PRH1: variants seen among roughly 807,000 people sequenced by gnomAD.
The protein encoded by PRH1 is salivary acidic proline-rich phosphoprotein 1/2.
PRH1 carries 7 observed loss-of-function variants against 7.9 expected under a neutral mutation model. That is an observed-to-expected ratio of 0.89 (90% CI 0.50 to 1.67). The LOEUF is 1.67. Ranked by LOEUF, PRH1 falls within the 40% of genes most tolerant of loss-of-function variation. The pLI, the probability that PRH1 is intolerant of heterozygous loss-of-function variation, is 0.00. For missense variants in PRH1, 109 were observed against 223.6 expected, an observed-to-expected ratio of 0.49 and a Z score of 3.27; for synonymous variants, 45 against 80.8, an observed-to-expected ratio of 0.56 and a Z score of 2.38.
At chr12:11,013,649 T>A (rs777930706) in intron 1 of PRH1, among the ~76,000 whole-genome samples, 1 of 152,158 alleles carries the variant, frequency 6.6e-6, no homozygotes, top group Non-Finnish European at 1.5e-5. Flanking sequence ...AAAATTACTA[T>A]TTTAAATAAA....
At chr12:10,932,171 T>G in intron 2 of PRH1, 1 of 424,598 alleles carries the variant, frequency 2.4e-6, no homozygotes, top group South Asian at 1.6e-5. Context: ...CAATGAGGTA[T>G]TAGACATTTC....
At chr12:11,123,761 T>A (rs912445675) in intron 1 of PRH1, among the ~76,000 whole-genome samples, 1 of 152,232 alleles carries the variant, frequency 6.6e-6, no homozygotes, top group South Asian at 2.1e-4. Flanking sequence ...TATCTTCCAA[T>A]TCACTAATTA....
chr12:11,104,293 TTATGATGATCACTCA>T (rs1280795517), intron 1 of PRH1, among the ~76,000 whole-genome samples: 6 of 152,200 alleles, frequency 3.9e-5, no homozygotes, highest in Non-Finnish European at 7.4e-5. Flanking sequence ...TCCCAAATTG[TTATGATGATCACTCA>T]TATGATGATC....
chr12:10,997,159 G>A, intron 1 of PRH1: 1 of 1,614,000 alleles, frequency 6.2e-7, no homozygotes, highest in Non-Finnish European at 8.5e-7. Context: ...GAAAGTAAAT[G>A]GCAAGTAATA....
Position 11,078,095 on chromosome 12 carries a change from C to T in PRH1, n.124-30907G>A, listed in dbSNP as rs1256899854. 8 of 633,094 alleles carry T rather than the reference C, an allele frequency of 1.3e-5. 1 individual carries two copies. The highest frequency in any genetic ancestry group is 1.8e-5 in the Non-Finnish European group (6 of 335,428). The allele number at this position is 633,094 out of a possible 1,614,324, so 39.2% of individuals were successfully genotyped here. On this transcript the variant is annotated intron_variant and non_coding_transcript_variant, in intron 1 of 4. Coordinates refer to the PRH1 transcript ENST00000541977. ...AAACCAATTCTGGAGACCACCAGAGCAGTGAGGATTTGGTCAGCTGAGGAG... is the reference window on the plus strand; with the variant it reads ...AAACCAATTCTGGAGACCACCAGAGTAGTGAGGATTTGGTCAGCTGAGGAG...
chr12:11,109,366 C>T (rs1353776534), intron 1 of PRH1, among the ~76,000 whole-genome samples: 1 of 152,160 alleles, frequency 6.6e-6, no homozygotes, highest in Non-Finnish European at 1.5e-5. Flanking sequence ...TCTGTGCCTC[C>T]TTACTGGGAG....
chr12:11,024,041 A>G (rs1941789898), intron 1 of PRH1, among the ~76,000 whole-genome samples: 2 of 152,150 alleles, frequency 1.3e-5, no homozygotes, highest in South Asian at 4.1e-4. Flanking sequence ...TAAAAGAAAA[A>G]CCTATTCAGA....
At chr12:10,969,512 T>G (rs1351333351) in intron 2 of PRH1, among the ~76,000 whole-genome samples, 2 of 152,188 alleles carry the variant, frequency 1.3e-5, no homozygotes, top group African/African-American at 4.8e-5. Context: ...ACATAGTATT[T>G]CATCAATGAC....
intron 2 of PRH1, among the ~76,000 whole-genome samples, chr12:10,919,528 T>C (rs149242173): frequency 6.6e-6 from 1 of 152,342 alleles, no homozygotes; most frequent in African/African-American, 2.4e-5. Flanking sequence ...TATTTTGATT[T>C]TCTTGTAAAA....
intron 2 of PRH1, among the ~76,000 whole-genome samples, chr12:10,942,765 T>C (rs1025566886): frequency 6.6e-6 from 1 of 152,202 alleles, no homozygotes; most frequent in Non-Finnish European, 1.5e-5. Context: ...AAAATTCAGC[T>C]GGTGATTTCC....
intron 2 of PRH1, among the ~76,000 whole-genome samples, chr12:10,916,508 G>T (rs1949974388): frequency 6.6e-6 from 1 of 151,672 alleles, no homozygotes; most frequent in South Asian, 2.1e-4. Context: ...CTTTAAGGGA[G>T]ACCTGCCACA....
intron 1 of PRH1, among the ~76,000 whole-genome samples, chr12:11,015,916 T>C (rs970053550): frequency 6.6e-6 from 1 of 152,234 alleles, no homozygotes; most frequent in Non-Finnish European, 1.5e-5. Context: ...CCCCACTCAC[T>C]AGACATTCCC....
intron 1 of PRH1, among the ~76,000 whole-genome samples, chr12:11,043,820 A>C (rs1024910026): frequency 5.3e-5 from 8 of 152,184 alleles, no homozygotes; most frequent in Admixed American, 2.0e-4. Context: ...AAGATGGTCC[A>C]TGTCCATGGA....
At chr12:11,135,797 A>G (rs1241910923) in intron 1 of PRH1, among the ~76,000 whole-genome samples, 1 of 152,174 alleles carries the variant, frequency 6.6e-6, no homozygotes, top group African/African-American at 2.4e-5. Flanking sequence ...TCATGTTGCA[A>G]CTAAATAAAG....
chr12:10,945,287 A>T (rs941781565), intron 2 of PRH1, among the ~76,000 whole-genome samples: 1 of 152,062 alleles, frequency 6.6e-6, no homozygotes, highest in Non-Finnish European at 1.5e-5. Context: ...TCTTGGGAGT[A>T]TCGGGTGAAA....
intron 1 of PRH1, among the ~76,000 whole-genome samples, chr12:11,040,847 TTTGC>T (rs1265215881): frequency 6.6e-6 from 1 of 152,212 alleles, no homozygotes; most frequent in Non-Finnish European, 1.5e-5. Flanking sequence ...TGCTTGTTTG[TTTGC>T]TTATGTAAAC....
intron 2 of PRH1, among the ~76,000 whole-genome samples, chr12:10,951,023 T>C (rs140447337): frequency 6.6e-6 from 1 of 152,174 alleles, no homozygotes; most frequent in African/African-American, 2.4e-5. Context: ...AATTCAATTC[T>C]GGGACCAATG....
In PRH1 at chr12:10,884,134, C is replaced by G; in HGVS notation, c.64+20G>C. 6.2e-7 allele frequency: 1 copy of G among 1,614,110 alleles called. No homozygotes were observed. Among genetic ancestry groups the G allele is most frequent in the Non-Finnish European group, 8.5e-7 (1 of 1,179,982 alleles). On this transcript the variant is annotated intron_variant, in intron 1 of 3. Coordinates refer to ENST00000543626, the MANE Select transcript of PRH1 (RefSeq NM_001393989.1). ...TAAACCCCAATCAGAGTCACAATAT[C>G]TTCCCCCAATTCATCTTACCTTCAT... is the stretch of plus-strand genomic sequence containing the variant.
intron 2 of PRH1, among the ~76,000 whole-genome samples, chr12:10,944,168 G>A (rs1344873833): frequency 6.6e-6 from 1 of 152,142 alleles, no homozygotes; most frequent in Non-Finnish European, 1.5e-5. Context: ...ATTCCTTTGG[G>A]CAGTACAGCC....
Sources: gnomAD v4.1 joint callset for allele counts (sites outside exome capture counted in the v4.1 genomes callset) on GRCh38, gnomAD v4.1.1 for gene constraint, MANE v1.5 for transcripts, NCBI Gene and HGNC (gene_info 2026-07-23, HGNC 2026-07-21) for gene names.